ENTHD1: variants seen among roughly 807,000 people sequenced by gnomAD.
ENTHD1 encodes the protein ENTH domain containing 1.
A neutral mutation model predicts 39.1 loss-of-function variants in ENTHD1; 23 were observed. The ratio of observed to expected loss-of-function variants is 0.59; its 90% CI spans 0.42 to 0.83. The LOEUF is 0.83. Among genes scored for constraint, ENTHD1 ranks in the 40% least tolerant of loss-of-function variants. The pLI, the probability that ENTHD1 is intolerant of heterozygous loss-of-function variation, is 0.00. For missense variants in ENTHD1, 624 were observed against 705.4 expected, an observed-to-expected ratio of 0.88 and a Z score of 1.31; for synonymous variants, 230 against 258.2, an observed-to-expected ratio of 0.89 and a Z score of 1.05.
chr22:39,833,913 A>G (rs568701916), intron 4 of ENTHD1, among the ~76,000 whole-genome samples: 1 of 144,100 alleles, frequency 6.9e-6, no homozygotes, highest in East Asian at 2.1e-4. Context: ...TTCAACAAAT[A>G]GTGTTGAAAC....
chr22:39,822,034 T>C (rs2065786856), intron 4 of ENTHD1, among the ~76,000 whole-genome samples: 1 of 152,166 alleles, frequency 6.6e-6, no homozygotes, highest in African/African-American at 2.4e-5. Flanking sequence ...TAACTGATAA[T>C]AACTGCATCA....
intron 2 of ENTHD1, among the ~76,000 whole-genome samples, chr22:39,866,559 C>T (rs2146734110): frequency 6.6e-6 from 1 of 152,358 alleles, no homozygotes; most frequent in Non-Finnish European, 1.5e-5. Flanking sequence ...AAGCAGCCAG[C>T]TCTGCACAGA....
intron 4 of ENTHD1, among the ~76,000 whole-genome samples, chr22:39,828,691 C>A (rs2065844207): frequency 6.6e-6 from 1 of 152,142 alleles, no homozygotes; most frequent in South Asian, 2.1e-4. Context: ...AACATCACAA[C>A]CTCATTGTTG....
chr22:39,745,396 C>T (rs1211095615), intron 6 of ENTHD1, among the ~76,000 whole-genome samples: 1 of 152,132 alleles, frequency 6.6e-6, no homozygotes, highest in African/African-American at 2.4e-5. Context: ...TTTTATTTTG[C>T]TTTACATATT....
At chr22:39,798,557 G>A (rs1348904500) in intron 5 of ENTHD1, among the ~76,000 whole-genome samples, 2 of 152,138 alleles carry the variant, frequency 1.3e-5, no homozygotes, top group Non-Finnish European at 2.9e-5. Context: ...GTGGTTGTTA[G>A]TAGGGGGCTG....
intron 5 of ENTHD1, among the ~76,000 whole-genome samples, chr22:39,780,183 G>A (rs938210468): frequency 2.0e-5 from 3 of 152,046 alleles, no homozygotes; most frequent in African/African-American, 7.2e-5. Context: ...AGACCAGCCT[G>A]GCCAACATAG....
chr22:39,775,471 T>C lies in ENTHD1; in HGVS notation c.833-9862A>G, dbSNP rs1427055622. ...AAGTGACTTGCTCGGGATCACACAATGATTAAAGAGCAGAACTAGAACTAG... is the reference window on the plus strand; with the variant it reads ...AAGTGACTTGCTCGGGATCACACAACGATTAAAGAGCAGAACTAGAACTAG... On this transcript the variant is annotated intron_variant, in intron 5 of 6. Transcript: ENST00000325157. Among the ~76,000 whole-genome samples, 3 of 152,276 alleles carry C rather than the reference T, an allele frequency of 2.0e-5. No homozygotes were observed. In the East Asian group the frequency reaches 5.8e-4, roughly 29 times the overall value.
chr22:39,835,946 T>G lies in ENTHD1; in HGVS notation c.605A>C (p.Lys202Thr). The G allele has an allele frequency of 6.2e-7, 1 of 1,604,062 alleles. No homozygotes were observed. The highest frequency in any genetic ancestry group is 1.1e-5 in the South Asian group (1 of 89,076). Residue 202 changes from lysine to threonine, a missense_variant, in exon 4 of 7, where the codon AAG becomes ACG. Transcript: ENST00000325157. Reference sequence around the variant, plus strand: ...GCAATGCTCTTGTTTCAATCCTGCCTTGCACACATTTCCTGTCAACAATAT... The same window carrying G: ...GCAATGCTCTTGTTTCAATCCTGCCGTGCACACATTTCCTGTCAACAATAT... Reference protein sequence around the residue: ...GRLHNKRNVCKAGLKQEHCQD... With the variant: ...GRLHNKRNVCTAGLKQEHCQD...
At chr22:39,813,354 A>G (rs1372487631) in intron 5 of ENTHD1, among the ~76,000 whole-genome samples, 1 of 152,264 alleles carries the variant, frequency 6.6e-6, no homozygotes, top group Non-Finnish European at 1.5e-5. Flanking sequence ...TCATAGACAT[A>G]GATGCAAAAC....
At chr22:39,892,105 T>C (rs2066431810) in intron 1 of ENTHD1, among the ~76,000 whole-genome samples, 1 of 152,216 alleles carries the variant, frequency 6.6e-6, no homozygotes, top group South Asian at 2.1e-4. Context: ...GTACCTACCA[T>C]TTGTATAGCT....
chr22:39,830,796 A>G (rs2065863117), intron 4 of ENTHD1, among the ~76,000 whole-genome samples: 1 of 152,242 alleles, frequency 6.6e-6, no homozygotes, highest in Non-Finnish European at 1.5e-5. Flanking sequence ...CGAATTAATG[A>G]GATAATTTCA....
chr22:39,752,742 G>GT (rs1214336396), intron 6 of ENTHD1, among the ~76,000 whole-genome samples: 1 of 152,158 alleles, frequency 6.6e-6, no homozygotes, highest in African/African-American at 2.4e-5. Flanking sequence ...AATAGGTGTG[G>GT]TTTTTTGCCT....
At chr22:39,824,765 C>T (rs1229027480) in intron 4 of ENTHD1, among the ~76,000 whole-genome samples, 2 of 152,094 alleles carry the variant, frequency 1.3e-5, no homozygotes, top group South Asian at 2.1e-4. Context: ...TCTGTTCCAC[C>T]GATCCAAGTG....
intron 6 of ENTHD1, among the ~76,000 whole-genome samples, chr22:39,752,083 G>A (rs2065151960): frequency 6.6e-6 from 1 of 151,862 alleles, no homozygotes. Flanking sequence ...ATAGAAGATA[G>A]ACAGATCTCT....
chr22:39,861,616 CGTT>C lies in ENTHD1; in HGVS notation c.592+146_592+148del, dbSNP rs1263997477. 5 of 530,496 alleles carry C rather than the reference CGTT, an allele frequency of 9.4e-6. No individual in the cohort carries two copies. In the South Asian group the frequency reaches 2.9e-4, roughly 31 times the overall value. 32.9% of individuals were successfully genotyped at this position (530,496 alleles called of 1,614,324 possible). On this transcript the variant is annotated intron_variant, in intron 3 of 6. Coordinates refer to ENST00000325157, the MANE Select transcript of ENTHD1 (RefSeq NM_152512.4). ...ATAAAATCTTCTATTGAATATTCTT[CGTT>C]GTTGTTTTCTATAGTATGAAGCCTA...
In ENTHD1 at chr22:39,770,652, T is replaced by C. The variant is rs112752743; in HGVS notation, c.833-5043A>G. ...TAACTAATAATATAAGTTACCAGTT[T>C]GATTTCACAGTGTCTAGAAAATTGT... is the stretch of plus-strand genomic sequence containing the variant. On this transcript the variant is annotated intron_variant, in intron 5 of 6. Transcript: ENST00000325157. Among the ~76,000 whole-genome samples, 61 of 152,310 alleles carry C rather than the reference T, an allele frequency of 4.0e-4. 1 individual carries two copies. The highest frequency in any genetic ancestry group is 1.3e-3 in the African/African-American group (56 of 41,554).
intron 5 of ENTHD1, among the ~76,000 whole-genome samples, chr22:39,773,869 G>A (rs1569134659): frequency 6.6e-6 from 1 of 152,148 alleles, no homozygotes; most frequent in Non-Finnish European, 1.5e-5. Context: ...AATGATGTCT[G>A]AACCAAGCTA....
intron 4 of ENTHD1, among the ~76,000 whole-genome samples, chr22:39,830,506 CA>C (rs2146667220): frequency 6.6e-6 from 1 of 152,244 alleles, no homozygotes; most frequent in East Asian, 1.9e-4. Context: ...TGGGGAAAGG[CA>C]TCAGGAACAG....
chr22:39,815,550 G>A (rs2065727103), intron 5 of ENTHD1, among the ~76,000 whole-genome samples: 1 of 152,042 alleles, frequency 6.6e-6, no homozygotes, highest in South Asian at 2.1e-4. Context: ...ACTGCAACTA[G>A]AACTTTGGAA....
Sources: gnomAD v4.1 joint callset for allele counts (sites outside exome capture counted in the v4.1 genomes callset) on GRCh38, gnomAD v4.1.1 for gene constraint, MANE v1.5 for transcripts, NCBI Gene and HGNC (gene_info 2026-07-23, HGNC 2026-07-21) for gene names.